CACNA1D: variants seen among roughly 807,000 people sequenced by gnomAD.
CACNA1D encodes the protein calcium voltage-gated channel subunit alpha1 D, also known as voltage-dependent L-type calcium channel subunit alpha-1D.
CACNA1D carries 55 observed loss-of-function variants against 257.1 expected under a neutral mutation model. The observed-to-expected ratio is 0.21, with a 90% CI of 0.17 to 0.27. CACNA1D has a LOEUF of 0.27. Ranked by LOEUF, CACNA1D falls within the 10% of genes least tolerant of loss-of-function variation. The pLI is 1.00. For synonymous variants in CACNA1D, 980 were observed against 1,014.9 expected, an observed-to-expected ratio of 0.97 and a Z score of 0.65; for missense variants, 1,876 against 2,784.0, an observed-to-expected ratio of 0.67 and a Z score of 7.34.
At chr3:53,500,205 A>G (rs1391350076) in intron 2 of CACNA1D, among the ~76,000 whole-genome samples, 2 of 141,524 alleles carry the variant, frequency 1.4e-5, no homozygotes, top group Non-Finnish European at 3.0e-5. Context: ...GCTTGAGTCC[A>G]GGAGTTCAAG....
chr3:53,779,915 G>A, intron 37 of CACNA1D, 111 bp from the exon 38 acceptor site: 1 of 830,468 alleles, frequency 1.2e-6, no homozygotes, highest in Non-Finnish European at 2.1e-6. Context: ...GAATGGAATT[G>A]AGGGTTGACT....
At chr3:53,809,710 A>T in intron 46 of CACNA1D, 1 of 524,016 alleles carries the variant, frequency 1.9e-6, no homozygotes, top group East Asian at 3.4e-5. Flanking sequence ...ATTCTGAAGC[A>T]ATTTCATGAA....
chr3:53,518,821 T>C (rs1019211990), intron 3 of CACNA1D, among the ~76,000 whole-genome samples: 2 of 152,210 alleles, frequency 1.3e-5, no homozygotes, highest in African/African-American at 4.8e-5. Context: ...CGTTGAGGAA[T>C]GGCAATATTA....
At chr3:53,641,841 A>G (rs1259303551) in intron 3 of CACNA1D, among the ~76,000 whole-genome samples, 2 of 152,198 alleles carry the variant, frequency 1.3e-5, no homozygotes, top group African/African-American at 2.4e-5. Context: ...CCCTGTGTAT[A>G]GGGAACCACC....
At chr3:53,522,513 T>C (rs1440170396) in intron 3 of CACNA1D, among the ~76,000 whole-genome samples, 1 of 152,210 alleles carries the variant, frequency 6.6e-6, no homozygotes, top group Admixed American at 6.5e-5. Flanking sequence ...CTTGCAGAAA[T>C]AGAGCTGAAA....
chr3:53,565,781 G>A (rs552638643), intron 3 of CACNA1D, among the ~76,000 whole-genome samples: 20 of 152,274 alleles, frequency 1.3e-4, no homozygotes, highest in South Asian at 8.3e-4. Flanking sequence ...ACTGTACCCC[G>A]TTGGTCTTAA....
At chr3:53,636,189 G>A (rs1470800524) in intron 3 of CACNA1D, among the ~76,000 whole-genome samples, 2 of 152,152 alleles carry the variant, frequency 1.3e-5, no homozygotes, top group African/African-American at 2.4e-5. Flanking sequence ...AAAGATTATC[G>A]ACTTCTAGAG....
chr3:53,753,885 A>C lies in CACNA1D; in HGVS notation c.3786+203A>C, dbSNP rs556962770. Among the ~76,000 whole-genome samples the C allele has an allele frequency of 4.6e-5, 7 of 152,378 alleles. No individual in the cohort carries two copies. The South Asian group carries it at 1.2e-3, about 27-fold the overall frequency. On this transcript the variant is annotated intron_variant, in intron 29 of 47. Transcript: ENST00000350061. ...TGCAAGAACAAAACCTCATGAAAAC[A>C]ATTCTGAGAAACAGAAGCAGGGAGA...
In CACNA1D at chr3:53,800,161, C is replaced by A; in HGVS notation, c.4924-88C>A. ...TTTGGGGAAGCCTTCCTCCCCACCG[C>A]TGAATCAGGAAGGAGCAAAGCCAGG... On this transcript the variant is annotated intron_variant, in intron 40 of 47. Coordinates refer to ENST00000350061, the MANE Select transcript of CACNA1D (RefSeq NM_001128840.3). The surrounding 1 kb of genome is among the most constrained non-coding windows in gnomAD (Gnocchi z 4.3). The A allele has an allele frequency of 2.1e-6, 2 of 938,054 alleles. No individual in the cohort carries two copies. Among genetic ancestry groups the A allele is most frequent in the Non-Finnish European group, 3.5e-6 (2 of 563,568 alleles). The allele number at this position is 938,054 out of a possible 1,614,324, so 58.1% of individuals were successfully genotyped here. A position where few individuals can be genotyped will look rare whatever the true frequency, so the allele number is the denominator to read the frequency against.
intron 29 of CACNA1D, among the ~76,000 whole-genome samples, chr3:53,758,296 G>A (rs190183334): frequency 6.9e-4 from 105 of 152,350 alleles, no homozygotes; most frequent in Middle Eastern, 3.4e-3. Context: ...ATCCCTGCCA[G>A]CATGGGTAAG....
At chr3:53,619,667 T>C (rs1294263504) in intron 3 of CACNA1D, among the ~76,000 whole-genome samples, 2 of 152,186 alleles carry the variant, frequency 1.3e-5, no homozygotes, top group Non-Finnish European at 2.9e-5. Flanking sequence ...GGACCCTGGG[T>C]AGGAGGGCCA....
At position 53,776,724 on chromosome 3, in the gene CACNA1D, A is replaced by G. The variant is rs771591053; in HGVS notation, c.4484A>G (p.Glu1495Gly). 1 of 1,614,202 alleles carries G rather than the reference A, an allele frequency of 6.2e-7. No individual in the cohort carries two copies. The highest frequency in any genetic ancestry group is 1.7e-5 in the Admixed American group (1 of 60,030). Reference protein sequence around the residue: ...FKRIWSEYDPEAKGRIKHLDV... With the variant: ...FKRIWSEYDPGAKGRIKHLDV... ...AGAATATGGTCAGAATATGACCCTGAGGCAAAGTAGGTTGAAAAATATTTG... is the reference window on the plus strand; with the variant it reads ...AGAATATGGTCAGAATATGACCCTGGGGCAAAGTAGGTTGAAAAATATTTG... Residue 1495 changes from glutamate (E) to glycine (G), a missense_variant, in exon 36 of 48, where the codon GAG becomes GGG. By Grantham distance (98) the Glu-to-Gly change is moderately conservative. Coordinates refer to ENST00000350061, the MANE Select transcript of CACNA1D (RefSeq NM_001128840.3).
chr3:53,500,008 T>C (rs2090523227), intron 2 of CACNA1D, among the ~76,000 whole-genome samples: 1 of 151,912 alleles, frequency 6.6e-6, no homozygotes, highest in African/African-American at 2.4e-5. Flanking sequence ...AATAAACCCA[T>C]CAAAATTAGT....
Position 53,774,564 on chromosome 3 carries a change from T to C in CACNA1D, c.4111-23T>C. ...TTGCATGACGAAATCTATTCTCTTTTTCCTGACAACTTCTCCACCTAGATG... is the reference window on the plus strand; with the variant it reads ...TTGCATGACGAAATCTATTCTCTTTCTCCTGACAACTTCTCCACCTAGATG... On this transcript the variant is annotated intron_variant, in intron 33 of 47. Coordinates refer to ENST00000350061, the MANE Select transcript of CACNA1D (RefSeq NM_001128840.3). The surrounding 1 kb of genome is among the most constrained non-coding windows in gnomAD (Gnocchi z 4.3). The C allele has an allele frequency of 7.1e-7, 1 of 1,407,774 alleles. No individual in the cohort carries two copies. The highest frequency in any genetic ancestry group is 1.0e-6 in the Non-Finnish European group (1 of 991,572). The allele number at this position is 1,407,774 out of a possible 1,614,324, so 87.2% of individuals were successfully genotyped here. A position where few individuals can be genotyped will look rare whatever the true frequency, so the allele number is the denominator to read the frequency against.
chr3:53,686,653 G>A (rs535675299), intron 8 of CACNA1D, among the ~76,000 whole-genome samples: 2 of 151,592 alleles, frequency 1.3e-5, no homozygotes, highest in South Asian at 4.2e-4. Flanking sequence ...AGCAAACTAA[G>A]AATATGCAAA....
intron 3 of CACNA1D, among the ~76,000 whole-genome samples, chr3:53,593,402 G>A (rs1271411033): frequency 6.6e-6 from 1 of 152,146 alleles, no homozygotes; most frequent in African/African-American, 2.4e-5. Context: ...GTAAGCAAAA[G>A]GAATATGGTG....
At chr3:53,600,084 A>G (rs1263440903) in intron 3 of CACNA1D, among the ~76,000 whole-genome samples, 1 of 152,272 alleles carries the variant, frequency 6.6e-6, no homozygotes, top group Non-Finnish European at 1.5e-5. Context: ...TGGTAAAACC[A>G]GAAACAAGGG....
rs1471149785 is a variant in CACNA1D at position 53,762,081 on chromosome 3, C to G, written c.3870C>G (p.Asp1290Glu). 6.2e-7 allele frequency: 1 copy of G among 1,601,752 alleles called. No individual in the cohort carries two copies. Among genetic ancestry groups the G allele is most frequent in the East Asian group, 2.2e-5 (1 of 44,820 alleles). The change falls in exon 30 of 48, where the codon GAC (aspartate) becomes GAG (glutamate). Residue 1290 changes from aspartate to glutamate, a missense_variant and splice_region_variant. Physicochemically the swap from Asp to Glu is conservative, Grantham distance 45. Coordinates refer to ENST00000350061, the MANE Select transcript of CACNA1D (RefSeq NM_001128840.3). ...TAGACGTGGCCCTCAGCGAAGCAGA[C>G]GTGAGTATGCACCTGGCGTGGCCGC... The part of the protein sequence containing the change: ...SIIDVALSEA[D>E]PTESENVPVP...
At chr3:53,634,492 G>A (rs1264357338) in intron 3 of CACNA1D, among the ~76,000 whole-genome samples, 2 of 152,172 alleles carry the variant, frequency 1.3e-5, no homozygotes, top group East Asian at 3.9e-4. Flanking sequence ...ACCATTTCTT[G>A]TAATAGGGTG....
Sources: gnomAD v4.1 joint callset for allele counts (sites outside exome capture counted in the v4.1 genomes callset) on GRCh38, gnomAD v4.1.1 for gene constraint, Gnocchi (gnomAD v3.1) non-coding constraint, MANE v1.5 for transcripts, NCBI Gene and HGNC (gene_info 2026-07-23, HGNC 2026-07-21) for gene names.